MTMR14: variants seen among roughly 807,000 people sequenced by gnomAD.
The protein encoded by MTMR14 is phosphatidylinositol-3,5-bisphosphate 3-phosphatase MTMR14.
In MTMR14, 48 loss-of-function variants were observed where a neutral mutation model predicts 86.3. The observed-to-expected ratio is 0.56, with a 90% CI of 0.44 to 0.71. The LOEUF is 0.71. Among genes scored for constraint, MTMR14 ranks in the 30% least tolerant of loss-of-function variants. The pLI is 0.00. For synonymous variants in MTMR14, 366 were observed against 326.1 expected, an observed-to-expected ratio of 1.12 and a Z score of -1.32; for missense variants, 780 against 834.6, an observed-to-expected ratio of 0.93 and a Z score of 0.81.
At chr3:9,690,182 G>T (rs1559612149) in intron 17 of MTMR14, 39 bp downstream of exon 17, 1 of 1,608,506 alleles carries the variant, frequency 6.2e-7, no homozygotes, top group Admixed American at 1.7e-5. Context: ...GAAGTGCCTA[G>T]CTTTCCCCCT....
rs2076321154 is a variant in MTMR14, at chr3:9,697,621, G to C, written c.1614-90G>C. On this transcript the variant is annotated intron_variant, in intron 17 of 18. Transcript: ENST00000296003. ...GATTGACAACAGAACCTAGCAGCCAGGGCTGCGCTAGTCCCCTAGCCCCCT... is the reference window on the plus strand; with the variant it reads ...GATTGACAACAGAACCTAGCAGCCACGGCTGCGCTAGTCCCCTAGCCCCCT... 5 of 1,454,044 alleles carry C rather than the reference G, an allele frequency of 3.4e-6. No individual in the cohort carries two copies. In the Admixed American group the frequency reaches 9.3e-5, roughly 27 times the overall value. The allele number at this position is 1,454,044 out of a possible 1,614,324, so 90.1% of individuals were successfully genotyped here.
intron 9 of MTMR14, among the ~76,000 whole-genome samples, chr3:9,682,117 T>A (rs948369350): frequency 6.6e-6 from 1 of 152,210 alleles, no homozygotes; most frequent in Non-Finnish European, 1.5e-5. Context: ...ACTGCTCCAT[T>A]GGCAATGGTG....
chr3:9,649,523 T>G lies in MTMR14; in HGVS notation c.-61T>G. The G allele has an allele frequency of 6.7e-7, 1 of 1,492,304 alleles. No homozygotes were observed. The highest frequency in any genetic ancestry group is 1.3e-5 in the South Asian group (1 of 77,644). 92.4% of individuals were successfully genotyped at this position (1,492,304 alleles called of 1,614,324 possible). On this transcript the variant is annotated 5_prime_UTR_variant, in exon 1 of 19. Transcript: ENST00000296003. ...GTTCCGGAGGTTCTAGTGTCGGAGT[T>G]GGGTGCAGGCAGGTGCCATGGGCCC... is the stretch of plus-strand genomic sequence containing the variant.
intron 2 of MTMR14, among the ~76,000 whole-genome samples, chr3:9,654,979 A>G (rs186049416): frequency 6.4e-4 from 98 of 152,236 alleles, no homozygotes; most frequent in Admixed American, 1.6e-3. Flanking sequence ...TTAGGGATCA[A>G]CTCATATAGG....
At chr3:9,685,566 TC>T (rs2075915497) in intron 13 of MTMR14, among the ~76,000 whole-genome samples, 1 of 152,120 alleles carries the variant, frequency 6.6e-6, no homozygotes, top group African/African-American at 2.4e-5. Flanking sequence ...TGGAACCCCA[TC>T]CTCTAAGGCC....
chr3:9,685,025 G>A, intron 12 of MTMR14, 61 bp downstream of exon 12: 2 of 1,554,706 alleles, frequency 1.3e-6, no homozygotes, highest in Non-Finnish European at 8.9e-7. Flanking sequence ...TGTGAGTTGT[G>A]TGGTGGCTCC....
chr3:9,687,909 C>A lies in MTMR14; in HGVS notation c.1235+18C>A, dbSNP rs577114360. 1.3e-6 allele frequency: 2 copies of A among 1,577,910 alleles called. No homozygotes were observed. The highest frequency in any genetic ancestry group is 2.7e-5 in the African/African-American group (2 of 74,508). On this transcript the variant is annotated intron_variant, in intron 14 of 18. Transcript: ENST00000296003. ...ACCCAGAGGTAAGTGGAGGCCTGCA[C>A]GTGTCATGCTGGGCCAGGGCGCTCT...
chr3:9,680,743 A>G (rs1207022701), intron 9 of MTMR14, among the ~76,000 whole-genome samples: 1 of 152,244 alleles, frequency 6.6e-6, no homozygotes, highest in African/African-American at 2.4e-5. Flanking sequence ...AGACTGAGGC[A>G]GGAGAATGGC....
At chr3:9,669,139 C>CAA (rs1225596376) in intron 4 of MTMR14, among the ~76,000 whole-genome samples, 1 of 99,344 alleles carries the variant, frequency 1.0e-5, no homozygotes. Flanking sequence ...GACTCCGTCT[C>CAA]AAAAAAAAAA....
At chr3:9,664,644 G>A (rs963538934) in intron 3 of MTMR14, among the ~76,000 whole-genome samples, 1 of 152,022 alleles carries the variant, frequency 6.6e-6, no homozygotes, top group Admixed American at 6.6e-5. Context: ...AAATAAGCCA[G>A]GCACAAAAAG....
At chr3:9,694,708 C>T (rs1050313641) in intron 17 of MTMR14, among the ~76,000 whole-genome samples, 4 of 152,214 alleles carry the variant, frequency 2.6e-5, no homozygotes, top group African/African-American at 4.8e-5. Context: ...GCCTCCATCC[C>T]GACCTGTGTA....
intron 1 of MTMR14, among the ~76,000 whole-genome samples, chr3:9,651,299 C>T (rs1344759434): frequency 5.9e-5 from 9 of 151,902 alleles, no homozygotes; most frequent in Middle Eastern, 3.4e-3. Context: ...GACATGGTCT[C>T]GCTATATTGC....
At chr3:9,673,845 G>T (rs538407395) in intron 7 of MTMR14, among the ~76,000 whole-genome samples, 1 of 146,840 alleles carries the variant, frequency 6.8e-6, no homozygotes, top group South Asian at 2.1e-4. Flanking sequence ...GTAAATAACA[G>T]GCCTAATGAT....
At position 9,677,578 on chromosome 3, in the gene MTMR14, A is replaced by C. The variant is rs539185098; in HGVS notation, c.822+191A>C. 6.6e-6 allele frequency among the ~76,000 whole-genome samples: 1 copy of C among 151,532 alleles called. No individual in the cohort carries two copies. The highest frequency in any genetic ancestry group is 2.4e-5 in the African/African-American group (1 of 41,084). ...ATACTTGTTAAATTTTCATCATTAT[A>C]CTTTCCTCCCCCCTTTATTTCTCTT... On this transcript the variant is annotated intron_variant, in intron 8 of 18. Transcript: ENST00000296003. The surrounding 1 kb of genome is among the most constrained non-coding windows in gnomAD (Gnocchi z 4.2).
intron 9 of MTMR14, among the ~76,000 whole-genome samples, chr3:9,680,245 C>G (rs546477107): frequency 6.6e-6 from 1 of 152,284 alleles, no homozygotes. Context: ...CCCATCGGTT[C>G]TCTAGTCTCT....
At chr3:9,659,849 G>A (rs542954871) in intron 2 of MTMR14, 1 of 456,714 alleles carries the variant, frequency 2.2e-6, no homozygotes, top group Non-Finnish European at 4.4e-6. Flanking sequence ...AGAGGAAAAT[G>A]CTGATGTGTC....
At chr3:9,689,162 C>T in intron 16 of MTMR14, 80 bp downstream of exon 16, 2 of 1,585,012 alleles carry the variant, frequency 1.3e-6, no homozygotes, top group East Asian at 2.3e-5. Context: ...GCTGGAGCCC[C>T]AAGAACAAAG....
At position 9,684,686 on chromosome 3, in the gene MTMR14, C is replaced by T. The variant is rs1343268858; in HGVS notation, c.1050+16C>T. The T allele has an allele frequency of 4.3e-6, 7 of 1,613,658 alleles. No individual in the cohort carries two copies. In the African/African-American group the frequency reaches 8.0e-5, roughly 18 times the overall value. Reference sequence around the variant, plus strand: ...CTTGTGGGCTGTGAGTATGAATCGGCCCCTACCAAGCTCTGCTCTTTGGGT... The same window carrying T: ...CTTGTGGGCTGTGAGTATGAATCGGTCCCTACCAAGCTCTGCTCTTTGGGT... On this transcript the variant is annotated intron_variant, in intron 11 of 18. Transcript: ENST00000296003.
chr3:9,671,298 G>C, intron 6 of MTMR14, 128 bp downstream of exon 6: 1 of 1,320,618 alleles, frequency 7.6e-7, no homozygotes, highest in South Asian at 1.2e-5. Flanking sequence ...TTATCTCACT[G>C]TATCTTCAGA....
Sources: gnomAD v4.1 joint callset for allele counts (sites outside exome capture counted in the v4.1 genomes callset) on GRCh38, gnomAD v4.1.1 for gene constraint, Gnocchi (gnomAD v3.1) non-coding constraint, MANE v1.5 for transcripts, NCBI Gene and HGNC (gene_info 2026-07-23, HGNC 2026-07-21) for gene names.